GHR: variants seen among roughly 807,000 people sequenced by gnomAD.
GHR encodes the protein GH receptor.
GHR carries 35 observed loss-of-function variants against 67.1 expected under a neutral mutation model. That is an observed-to-expected ratio of 0.52 (90% CI 0.40 to 0.69). GHR has a LOEUF of 0.69. Among genes scored for constraint, GHR ranks in the 30% least tolerant of loss-of-function variants. GHR has a pLI of 0.00. For synonymous variants in GHR, 272 were observed against 269.1 expected, an observed-to-expected ratio of 1.01 and a Z score of -0.10; for missense variants, 792 against 764.6, an observed-to-expected ratio of 1.04 and a Z score of -0.42.
intron 3 of GHR, among the ~76,000 whole-genome samples, chr5:42,688,209 A>G (rs1757250534): frequency 6.6e-6 from 1 of 152,216 alleles, no homozygotes; most frequent in Non-Finnish European, 1.5e-5. Flanking sequence ...CATCCCCCAC[A>G]TCCACCTGAT....
At chr5:42,553,601 T>A (rs938312913) in intron 1 of GHR, among the ~76,000 whole-genome samples, 2 of 152,224 alleles carry the variant, frequency 1.3e-5, no homozygotes, top group Non-Finnish European at 2.9e-5. Context: ...GTGCAGATAA[T>A]CCAAGATAAT....
chr5:42,460,584 G>A lies in GHR; in HGVS notation c.-12+36629G>A, dbSNP rs570785406. 7.2e-5 allele frequency among the ~76,000 whole-genome samples: 11 copies of A among 152,240 alleles called. No homozygotes were observed. The East Asian group carries it at 2.1e-3, about 29-fold the overall frequency. ...ACTTTGACGGTGCTTGTTCCTCTCT[G>A]GAAAGGGTTCACCTCCCATTAGAAT... On this transcript the variant is annotated intron_variant, in intron 1 of 9. Transcript: ENST00000230882.
intron 2 of GHR, among the ~76,000 whole-genome samples, chr5:42,624,937 G>A (rs145837707): frequency 0.017 from 2,542 of 152,208 alleles, 24 homozygotes; most frequent in Non-Finnish European, 0.025. Context: ...TTGCTTTCCC[G>A]CCACTTTAAA....
At chr5:42,427,485 C>T (rs889851712) in intron 1 of GHR, among the ~76,000 whole-genome samples, 9 of 152,200 alleles carry the variant, frequency 5.9e-5, no homozygotes, top group African/African-American at 2.2e-4. Context: ...TACTGGGTCC[C>T]TTCCACCACA....
chr5:42,718,148 A>G, intron 9 of GHR, 27 bp downstream of exon 9: 1 of 1,131,128 alleles, frequency 8.8e-7, no homozygotes, highest in South Asian at 1.2e-5. Flanking sequence ...TCTAAATTGT[A>G]GCTAGTACTA....
At chr5:42,709,368 C>A (rs2111804549) in intron 6 of GHR, among the ~76,000 whole-genome samples, 1 of 152,326 alleles carries the variant, frequency 6.6e-6, no homozygotes, top group Middle Eastern at 3.4e-3. Flanking sequence ...GTCTCGAACT[C>A]CTGACCTCAG....
intron 1 of GHR, among the ~76,000 whole-genome samples, chr5:42,474,299 AAG>A (rs1225111418): frequency 7.2e-6 from 1 of 139,432 alleles, no homozygotes; most frequent in African/African-American, 2.7e-5. Flanking sequence ...GAGAAAGAGA[AAG>A]AAAGAAAGAA....
At chr5:42,476,400 T>C (rs553421167) in intron 1 of GHR, among the ~76,000 whole-genome samples, 213 of 151,902 alleles carry the variant, frequency 1.4e-3, no homozygotes, top group Non-Finnish European at 2.1e-3. Context: ...TTTTGTTTTT[T>C]AGTAGAGACA....
intron 6 of GHR, among the ~76,000 whole-genome samples, chr5:42,708,966 A>G (rs1157657918): frequency 6.6e-6 from 1 of 152,186 alleles, no homozygotes; most frequent in Non-Finnish European, 1.5e-5. Flanking sequence ...CCAGGGGCTT[A>G]TATATAATAA....
chr5:42,685,970 C>T (rs962544694), intron 3 of GHR, among the ~76,000 whole-genome samples: 2 of 152,146 alleles, frequency 1.3e-5, no homozygotes, highest in Non-Finnish European at 2.9e-5. Flanking sequence ...TCAATTTTGG[C>T]TTTTGTTGCT....
At chr5:42,590,311 C>T (rs1751707563) in intron 2 of GHR, among the ~76,000 whole-genome samples, 1 of 152,140 alleles carries the variant, frequency 6.6e-6, no homozygotes, top group African/African-American at 2.4e-5. Flanking sequence ...GGACAGTTTA[C>T]ATATAACCAT....
chr5:42,523,183 G>A (rs1343247920), intron 1 of GHR, among the ~76,000 whole-genome samples: 1 of 152,176 alleles, frequency 6.6e-6, no homozygotes, highest in African/African-American at 2.4e-5. Context: ...ACTGCAATGG[G>A]ATTCATTCTA....
intron 6 of GHR, among the ~76,000 whole-genome samples, chr5:42,700,455 C>T (rs540585647): frequency 2.0e-5 from 3 of 152,184 alleles, no homozygotes; most frequent in Non-Finnish European, 4.4e-5. Flanking sequence ...GAATTTGTCT[C>T]TTAGAGGTTT....
intron 1 of GHR, among the ~76,000 whole-genome samples, chr5:42,528,579 A>G (rs1349894562): frequency 6.6e-6 from 1 of 152,218 alleles, no homozygotes; most frequent in Non-Finnish European, 1.5e-5. Context: ...GATGCCATGA[A>G]CACTGTTGAA....
chr5:42,678,650 CCAGA>C (rs1756686245), intron 3 of GHR, among the ~76,000 whole-genome samples: 1 of 152,086 alleles, frequency 6.6e-6, no homozygotes, highest in Non-Finnish European at 1.5e-5. Flanking sequence ...ATAATCTATG[CCAGA>C]CAAAGGAAAC....
At chr5:42,669,682 C>A (rs890239632) in intron 3 of GHR, among the ~76,000 whole-genome samples, 1 of 152,186 alleles carries the variant, frequency 6.6e-6, no homozygotes, top group South Asian at 2.1e-4. Flanking sequence ...CCATCAAATG[C>A]TACCCATTAA....
chr5:42,701,522 T>C lies in GHR; in HGVS notation c.618+1520T>C, dbSNP rs181183208. On this transcript the variant is annotated intron_variant, in intron 6 of 9. Transcript: ENST00000230882. ...TTATTGCTTGGAGCACCATTTTTAC[T>C]TGGAAGAGCCATTGATAAACTGGCA... 2.4e-4 allele frequency among the ~76,000 whole-genome samples: 36 copies of C among 152,302 alleles called. No homozygotes were observed. In the East Asian group the frequency reaches 4.0e-3, roughly 17 times the overall value.
intron 3 of GHR, among the ~76,000 whole-genome samples, chr5:42,648,094 C>T (rs956963999): frequency 1.3e-5 from 2 of 152,154 alleles, no homozygotes; most frequent in Admixed American, 6.5e-5. Context: ...CGTAGAAACC[C>T]TGCCCTAGAG....
At chr5:42,491,173 C>A (rs746751227) in intron 1 of GHR, among the ~76,000 whole-genome samples, 1 of 152,232 alleles carries the variant, frequency 6.6e-6, no homozygotes, top group Non-Finnish European at 1.5e-5. Context: ...GGATCGTTTG[C>A]TTTGTGTATA....
Sources: allele counts gnomAD v4.1 joint callset (sites outside exome capture counted in the v4.1 genomes callset), GRCh38; gene constraint gnomAD v4.1.1; transcripts MANE v1.5; gene names NCBI Gene and HGNC (gene_info 2026-07-23, HGNC 2026-07-21).